The following ERAP1 variants were observed in gnomAD, a reference collection of about 807,000 sequenced individuals.
ERAP1 encodes the protein endoplasmic reticulum aminopeptidase 1.
A neutral mutation model predicts 103.7 loss-of-function variants in ERAP1; 86 were observed. The observed-to-expected ratio is 0.83, with a 90% CI of 0.70 to 0.99. ERAP1 has a LOEUF of 0.99. ERAP1 is among the 50% of genes least tolerant of loss of function. The pLI is 0.00. For synonymous variants in ERAP1, 398 were observed against 402.4 expected (o/e 0.99, Z 0.13); for missense variants, 1,009 against 1,128.4 (o/e 0.89, Z 1.52).
At chr5:96,807,020 C>G (rs990236408) in intron 1 of ERAP1, among the ~76,000 whole-genome samples, 1 of 152,056 alleles carries the variant, frequency 6.6e-6, no homozygotes, top group Non-Finnish European at 1.5e-5. Context: ...GTCCTGAGTT[C>G]AGAGCGAATC....
the ERAP1 span, among the ~76,000 whole-genome samples, chr5:96,911,289 A>C: frequency 6.6e-6 from 1 of 152,158 alleles, no homozygotes. Context: ...ACAAATGCAA[A>C]TTTCTGGCTC....
the ERAP1 span, among the ~76,000 whole-genome samples, chr5:96,846,435 G>A: frequency 2.6e-5 from 4 of 152,164 alleles, no homozygotes; most frequent in Non-Finnish European, 4.4e-5. Flanking sequence ...TGAATCAGAA[G>A]CTCTAAAAAA....
At chr5:96,843,467 G>T in the ERAP1 span, among the ~76,000 whole-genome samples, 1 of 152,230 alleles carries the variant, frequency 6.6e-6, no homozygotes, top group Non-Finnish European at 1.5e-5. Context: ...CTGATTGGTT[G>T]CAGGAGGGGA....
exon 20 of ERAP1, chr5:96,760,888 G>A (rs1476783229): frequency 6.6e-6 from 1 of 151,620 alleles, no homozygotes; most frequent in African/African-American, 2.4e-5. Context: ...TGATACATTC[G>A]GAAAATAAAT....
the ERAP1 span, chr5:96,886,711 A>G: frequency 1.1e-5 from 17 of 1,553,356 alleles, no homozygotes; most frequent in Non-Finnish European, 1.5e-5. Flanking sequence ...AAACTACTGT[A>G]AAAATGAGTA....
the ERAP1 span, among the ~76,000 whole-genome samples, chr5:96,852,928 A>G: frequency 6.6e-6 from 1 of 152,204 alleles, no homozygotes; most frequent in South Asian, 2.1e-4. Context: ...TTCATCCACC[A>G]TGAAAAATGA....
chr5:96,776,847 T>C (rs1213579289), intron 18 of ERAP1: 1 of 353,288 alleles, frequency 2.8e-6, no homozygotes, highest in Non-Finnish European at 5.1e-6. Flanking sequence ...TTTAATGTGT[T>C]ATTCTGTTCT....
chr5:96,899,633 C>T, the ERAP1 span, among the ~76,000 whole-genome samples: 1 of 152,326 alleles, frequency 6.6e-6, no homozygotes, highest in African/African-American at 2.4e-5. Context: ...ATTGTACACT[C>T]ATCACATGCT....
At chr5:96,822,205 C>A in the ERAP1 span, among the ~76,000 whole-genome samples, 1 of 152,170 alleles carries the variant, frequency 6.6e-6, no homozygotes, top group African/African-American at 2.4e-5. Flanking sequence ...AATAATTTCA[C>A]CTATGCTATT....
the ERAP1 span, among the ~76,000 whole-genome samples, chr5:96,877,286 T>A: frequency 6.6e-6 from 1 of 152,222 alleles, no homozygotes; most frequent in Non-Finnish European, 1.5e-5. Flanking sequence ...TGTTTCTTTA[T>A]CTGAACACTA....
the ERAP1 span, among the ~76,000 whole-genome samples, chr5:96,890,434 C>T: frequency 0.11 from 16,020 of 152,236 alleles, 1,338 homozygotes; most frequent in East Asian, 0.43. Flanking sequence ...CACCGCTCAC[C>T]TCCTGCCATG....
At chr5:96,801,363 T>C (rs1399320523) in intron 2 of ERAP1, among the ~76,000 whole-genome samples, 1 of 150,320 alleles carries the variant, frequency 6.7e-6, no homozygotes, top group Non-Finnish European at 1.5e-5. Flanking sequence ...GAGGCAGAGG[T>C]GAGACGATGG....
At chr5:96,794,933 T>C in intron 5 of ERAP1, 109 bp downstream of exon 5, 2 of 1,368,526 alleles carry the variant, frequency 1.5e-6, no homozygotes. Context: ...CTGGGGTTTT[T>C]GTGGCTTGAG....
At chr5:96,915,658 A>G in the ERAP1 span, 87 of 1,383,082 alleles carry the variant, frequency 6.3e-5, no homozygotes, top group Admixed American at 2.4e-5. Context: ...TATTTCTATG[A>G]CTTTCTATGG....
chr5:96,774,751 C>T lies in ERAP1; in HGVS notation c.*1645G>A, dbSNP rs1183186604. ...TTGGGGTGGAAATTACCAGTGATTT[C>T]TATTTTTATTAAACCATTCACTACA... On this transcript the variant is annotated 3_prime_UTR_variant, in exon 19 of 19. Coordinates refer to ENST00000443439, the MANE Select transcript of ERAP1 (RefSeq NM_001040458.3). 4.1e-6 allele frequency: 4 copies of T among 983,692 alleles called. No homozygotes were observed. The highest frequency in any genetic ancestry group is 4.8e-6 in the Non-Finnish European group (4 of 828,394). The allele number at this position is 983,692 out of a possible 1,614,324, so 60.9% of individuals were successfully genotyped here.
the ERAP1 span, chr5:96,902,537 T>A: frequency 3.5e-5 from 18 of 519,134 alleles, no homozygotes; most frequent in Non-Finnish European, 3.4e-6. Context: ...TTTCATTCAG[T>A]GGGAAGTTCT....
chr5:96,912,662 G>T, the ERAP1 span: 1 of 1,610,454 alleles, frequency 6.2e-7, no homozygotes, highest in Non-Finnish European at 8.5e-7. Flanking sequence ...TTTAAAGATT[G>T]TGTATTCTGT....
intron 11 of ERAP1, among the ~76,000 whole-genome samples, chr5:96,787,330 A>C (rs2150936418): frequency 6.6e-6 from 1 of 152,136 alleles, no homozygotes; most frequent in Non-Finnish European, 1.5e-5. Flanking sequence ...CAGTGGTGCG[A>C]TCTCGGCTCA....
intron 10 of ERAP1, 114 bp from the exon 11 acceptor site, chr5:96,788,799 G>A: frequency 1.5e-6 from 2 of 1,295,322 alleles, no homozygotes. Flanking sequence ...TCCCCTCTTA[G>A]GAGCACTTTC....
Sources: gnomAD v4.1 joint callset for allele counts (sites outside exome capture counted in the v4.1 genomes callset) on GRCh38, gnomAD v4.1.1 for gene constraint, MANE v1.5 for transcripts, NCBI Gene and HGNC (gene_info 2026-07-23, HGNC 2026-07-21) for gene names.